SLC39A8: variants seen among roughly 807,000 people sequenced by gnomAD.
The protein encoded by SLC39A8 is solute carrier family 39 member 8.
A neutral mutation model predicts 40.4 loss-of-function variants in SLC39A8; 15 were observed. The ratio of observed to expected loss-of-function variants is 0.37; its 90% CI spans 0.25 to 0.57. The LOEUF (loss-of-function observed/expected upper bound fraction) is 0.57. SLC39A8 is among the 20% of genes least tolerant of loss of function. The probability of loss-of-function intolerance (pLI) is 0.75; values close to 1 mark genes in which losing one functional copy is unlikely to be tolerated. For synonymous variants in SLC39A8, 223 were observed against 221.6 expected, an observed-to-expected ratio of 1.01 and a Z score of -0.06; for missense variants, 472 against 558.8, an observed-to-expected ratio of 0.84 and a Z score of 1.57.
chr4:102,301,031 G>C (rs233820), intron 6 of SLC39A8, among the ~76,000 whole-genome samples: 54,241 of 151,706 alleles, frequency 0.36, 9,970 homozygotes, highest in South Asian at 0.54. Context: ...AGAAATTAAC[G>C]TCAAAACTAT....
At chr4:102,255,637 G>A (rs564188402) in intron 11 of SLC39A8, among the ~76,000 whole-genome samples, 1 of 152,302 alleles carries the variant, frequency 6.6e-6, no homozygotes, top group East Asian at 1.9e-4. Flanking sequence ...TGCATTGGTT[G>A]ACAATCTCCA....
chr4:102,337,233 C>CA (rs34502649), intron 2 of SLC39A8, among the ~76,000 whole-genome samples: 6,290 of 109,920 alleles, frequency 0.057, 375 homozygotes, highest in African/African-American at 0.17. Flanking sequence ...TCACTTTTCT[C>CA]AAAAAAAAAA....
At chr4:102,336,053 C>T (rs1157323500) in intron 2 of SLC39A8, among the ~76,000 whole-genome samples, 4 of 152,034 alleles carry the variant, frequency 2.6e-5, no homozygotes, top group Admixed American at 6.6e-5. Flanking sequence ...AGGCCCAATG[C>T]TAAGTATTTT....
chr4:102,266,572 A>C (rs1321748080), intron 8 of SLC39A8, among the ~76,000 whole-genome samples: 1 of 152,160 alleles, frequency 6.6e-6, no homozygotes, highest in Non-Finnish European at 1.5e-5. Context: ...GATTTATTTT[A>C]AAATGCACAG....
chr4:102,302,812 T>G (rs1340686890), intron 6 of SLC39A8, among the ~76,000 whole-genome samples: 1 of 152,046 alleles, frequency 6.6e-6, no homozygotes, highest in Non-Finnish European at 1.5e-5. Flanking sequence ...GCATAGTCCT[T>G]GAGCATTTAA....
At position 102,278,305 on chromosome 4, in the gene SLC39A8, G is replaced by A. The variant is rs1483033720; in HGVS notation, c.841-10226C>T. On this transcript the variant is annotated intron_variant, in intron 6 of 8. Transcript: ENST00000356736. ...CAAATTTAGAAGAAAAAAACAAACA[G>A]CCCCATCAAAAAGTGGGTGAAGAAT... Among the ~76,000 whole-genome samples the A allele has an allele frequency of 9.2e-5, 14 of 151,900 alleles. No homozygotes were observed. The South Asian group carries it at 2.1e-3, about 23-fold the overall frequency.
intron 6 of SLC39A8, among the ~76,000 whole-genome samples, chr4:102,273,697 C>T (rs1314769515): frequency 6.6e-6 from 1 of 152,188 alleles, no homozygotes; most frequent in African/African-American, 2.4e-5. Context: ...TACAGAAGGG[C>T]TCCAACTGGC....
At chr4:102,333,892 A>G (rs1300961225) in intron 2 of SLC39A8, among the ~76,000 whole-genome samples, 1 of 152,206 alleles carries the variant, frequency 6.6e-6, no homozygotes, top group African/African-American at 2.4e-5. Context: ...CAAAATTGAA[A>G]AGCAGCAGCC....
intron 11 of SLC39A8, among the ~76,000 whole-genome samples, chr4:102,255,151 C>T (rs17823175): frequency 0.079 from 11,947 of 152,176 alleles, 671 homozygotes; most frequent in South Asian, 0.15. Flanking sequence ...AGTGAAGTTC[C>T]AGAAAGTGCT....
In SLC39A8 at chr4:102,314,724, T is replaced by C. The variant is rs1734583469; in HGVS notation, c.382+944A>G. On this transcript the variant is annotated intron_variant, in intron 3 of 8. Transcript: ENST00000356736. ...CATCAGAGAGGGCTTCCTTGATCTA[T>C]CTAAGATGACACTCACCCACTATCA... 2.6e-5 allele frequency among the ~76,000 whole-genome samples: 4 copies of C among 152,138 alleles called. No individual in the cohort carries two copies. In the South Asian group the frequency reaches 8.3e-4, roughly 31 times the overall value.
chr4:102,292,741 C>T (rs1037637394), intron 6 of SLC39A8, among the ~76,000 whole-genome samples: 5 of 152,012 alleles, frequency 3.3e-5, no homozygotes, highest in African/African-American at 1.2e-4. Flanking sequence ...CTTACTTAAT[C>T]CCCATCACCC....
At chr4:102,330,719 A>T (rs1215723908) in intron 2 of SLC39A8, among the ~76,000 whole-genome samples, 1 of 152,210 alleles carries the variant, frequency 6.6e-6, no homozygotes, top group Non-Finnish European at 1.5e-5. Context: ...AAGACATAAC[A>T]GAAAAAGAAA....
chr4:102,304,954 TA>T, intron 5 of SLC39A8, 34 bp downstream of exon 5: 1 of 1,559,546 alleles, frequency 6.4e-7, no homozygotes, highest in Non-Finnish European at 8.7e-7. Flanking sequence ...CTTTAGGGGG[TA>T]AAATATTGGA....
chr4:102,337,010 T>C (rs1458219751), intron 2 of SLC39A8, among the ~76,000 whole-genome samples: 4 of 152,150 alleles, frequency 2.6e-5, no homozygotes, highest in Non-Finnish European at 4.4e-5. Context: ...ATACTAGCTG[T>C]TTGCACTTAG....
intron 2 of SLC39A8, 51 bp downstream of exon 2, chr4:102,344,393 A>T: frequency 7.6e-7 from 1 of 1,311,840 alleles, no homozygotes; most frequent in South Asian, 1.6e-5. Context: ...TACAAAGTGA[A>T]GTCTAGGGAC....
chr4:102,258,872 T>C (rs914895018), downstream of SLC39A8, among the ~76,000 whole-genome samples: 1 of 152,094 alleles, frequency 6.6e-6, no homozygotes, highest in African/African-American at 2.4e-5. Flanking sequence ...CTTCTTCTAT[T>C]TTCAAGATAG....
rs530446964 is a variant in SLC39A8, at chr4:102,315,768, G to A, written c.282C>T (p.Ser94=). 8.1e-6 allele frequency: 13 copies of A among 1,613,302 alleles called. No individual in the cohort carries two copies. The highest frequency in any genetic ancestry group is 3.3e-5 in the South Asian group (3 of 91,016). The change falls in exon 3 of 9, where the codon AGC becomes AGT. Residue 94 remains serine, a synonymous_variant. Transcript: ENST00000356736. Reference sequence around the variant, plus strand: ...CTGGACAGATGACAGAGAATTTGGAGCTGGTTATTTGGGTAGCATTTGAAA... The same window carrying A: ...CTGGACAGATGACAGAGAATTTGGAACTGGTTATTTGGGTAGCATTTGAAA... ...HGFSNATQIT[S]SKFSVICPAV...
At chr4:102,267,141 G>A (rs955459144) in intron 8 of SLC39A8, among the ~76,000 whole-genome samples, 8 of 152,092 alleles carry the variant, frequency 5.3e-5, no homozygotes, top group Non-Finnish European at 1.0e-4. Flanking sequence ...ACAAAAGAGG[G>A]AGAAAAAGGA....
rs961006923 is a variant in SLC39A8 at position 102,326,358 on chromosome 4, G to A, written c.220-10528C>T. 5.3e-5 allele frequency among the ~76,000 whole-genome samples: 8 copies of A among 152,102 alleles called. No individual in the cohort carries two copies. The South Asian group carries it at 1.4e-3, about 28-fold the overall frequency. On this transcript the variant is annotated intron_variant, in intron 2 of 8. Transcript: ENST00000356736. Reference sequence around the variant, plus strand: ...GGGCAGATCACAAGGTCAGGAGATCGAGACCATCCTGGCTAACACGGTGAA... The same window carrying A: ...GGGCAGATCACAAGGTCAGGAGATCAAGACCATCCTGGCTAACACGGTGAA...
Sources: allele counts gnomAD v4.1 joint callset (sites outside exome capture counted in the v4.1 genomes callset), GRCh38; gene constraint gnomAD v4.1.1; transcripts MANE v1.5; gene names NCBI Gene and HGNC (gene_info 2026-07-23, HGNC 2026-07-21).